Variants in TTC6 observed in about 807,000 individuals in gnomAD.
TTC6 encodes the protein tetratricopeptide repeat domain 6.
A neutral mutation model predicts 210.4 loss-of-function variants in TTC6; 172 were observed. The observed-to-expected ratio is 0.82, with a 90% CI of 0.72 to 0.93. The LOEUF (loss-of-function observed/expected upper bound fraction) is 0.93. Among genes scored for constraint, TTC6 ranks in the 40% least tolerant of loss-of-function variants. The pLI is 0.00. For synonymous variants in TTC6, 804 were observed against 819.6 expected (o/e 0.98, Z 0.32); for missense variants, 2,414 against 2,318.1 (o/e 1.04, Z -0.85).
At chr14:37,825,015 A>T (rs1272307740) in intron 27 of TTC6, among the ~76,000 whole-genome samples, 1 of 152,150 alleles carries the variant, frequency 6.6e-6, no homozygotes, top group Non-Finnish European at 1.5e-5. Context: ...GCAACCTGAA[A>T]AAGAATTGAA....
chr14:37,611,077 G>A (rs2095633475), intron 2 of TTC6, among the ~76,000 whole-genome samples: 1 of 152,240 alleles, frequency 6.6e-6, no homozygotes, highest in Admixed American at 6.5e-5. Flanking sequence ...TGAGGCCTGG[G>A]TTTGGGGTCC....
At chr14:37,613,342 G>C (rs1595009784) in intron 2 of TTC6, among the ~76,000 whole-genome samples, 5 of 151,864 alleles carry the variant, frequency 3.3e-5, no homozygotes, top group Admixed American at 3.3e-4. Flanking sequence ...AACTCTATTT[G>C]GTCAAAATGT....
intron 15 of TTC6, among the ~76,000 whole-genome samples, chr14:37,789,839 C>G (rs1403818780): frequency 6.6e-6 from 1 of 151,860 alleles, no homozygotes; most frequent in Non-Finnish European, 1.5e-5. Context: ...GGCTATAGTT[C>G]CCTAAATCCA....
intron 3 of TTC6, among the ~76,000 whole-genome samples, chr14:37,693,979 A>C (rs2095809504): frequency 6.7e-6 from 1 of 150,372 alleles, no homozygotes; most frequent in South Asian, 2.1e-4. Context: ...AACTACCACA[A>C]AAACAAACAA....
chr14:37,615,493 ATGGATAATTTC>A, intron 2 of TTC6, among the ~76,000 whole-genome samples: 1 of 152,010 alleles, frequency 6.6e-6, no homozygotes. Flanking sequence ...TTTTCTTATA[ATGGATAATTTC>A]TGTGCATTTA....
At chr14:37,609,633 A>G (rs1038124318) in intron 2 of TTC6, among the ~76,000 whole-genome samples, 15 of 152,160 alleles carry the variant, frequency 9.9e-5, no homozygotes, top group African/African-American at 3.6e-4. Context: ...TAAAGTATTA[A>G]TGAACACTAT....
In TTC6 at chr14:37,667,695, A is replaced by T. The variant is rs545415843; in HGVS notation, c.940-12456A>T. Among the ~76,000 whole-genome samples, 3 of 150,912 alleles carry T rather than the reference A, an allele frequency of 2.0e-5. 1 individual carries two copies. The highest frequency in any genetic ancestry group is 4.5e-5 in the Non-Finnish European group (3 of 67,240). On this transcript the variant is annotated intron_variant, in intron 1 of 30. Transcript: ENST00000553443. ...TGAAGAATGAGAATAAGGGGTGTTT[A>T]TAAGTAGATATTGTTATTTCCACTG...
chr14:37,785,204 T>G (rs941032139), intron 14 of TTC6, among the ~76,000 whole-genome samples: 2 of 152,210 alleles, frequency 1.3e-5, no homozygotes, highest in Admixed American at 1.3e-4. Context: ...CTGGATAATA[T>G]CCTGAAGAGT....
Position 37,738,675 on chromosome 14 carries a change from C to T in TTC6, c.1984-101C>T. 6.9e-6 allele frequency: 7 copies of T among 1,015,530 alleles called. No individual in the cohort carries two copies. In the South Asian group the frequency reaches 7.4e-5, roughly 11 times the overall value. 62.9% of individuals were successfully genotyped at this position (1,015,530 alleles called of 1,614,324 possible). The stretch of plus-strand genomic sequence containing the variant: ...TTTTTAAACTTTTAAATTAAGTGAC[C>T]AAACCACATTAATAGTAATTGTAAC... On this transcript the variant is annotated intron_variant, in intron 9 of 30. Coordinates refer to ENST00000553443, the Ensembl canonical transcript of TTC6.
At chr14:37,622,720 G>A (rs886897600) in exon 1 of TTC6, 1 of 1,535,050 alleles carries the variant, frequency 6.5e-7, no homozygotes, top group Non-Finnish European at 8.7e-7. Context: ...GAGGCCAGCA[G>A]CGGGCGGAGG....
At chr14:37,762,426 C>T (rs1272132145) in intron 14 of TTC6, among the ~76,000 whole-genome samples, 1 of 152,138 alleles carries the variant, frequency 6.6e-6, no homozygotes, top group East Asian at 1.9e-4. Flanking sequence ...GCTGTATTAA[C>T]TTAAAATCCC....
At chr14:37,783,633 A>T (rs1343258333) in intron 14 of TTC6, among the ~76,000 whole-genome samples, 1 of 151,852 alleles carries the variant, frequency 6.6e-6, no homozygotes, top group Non-Finnish European at 1.5e-5. Context: ...TATCTCCCTG[A>T]GTTCTGCTCT....
chr14:37,615,010 G>A (rs2095640420), intron 2 of TTC6, among the ~76,000 whole-genome samples: 1 of 152,094 alleles, frequency 6.6e-6, no homozygotes, highest in African/African-American at 2.4e-5. Flanking sequence ...GCCTCCCAAA[G>A]TGCTGGGATT....
intron 24 of TTC6, among the ~76,000 whole-genome samples, chr14:37,809,388 G>T (rs868471594): frequency 1.3e-5 from 2 of 151,774 alleles, no homozygotes; most frequent in African/African-American, 4.8e-5. Flanking sequence ...AAGTAGCTGG[G>T]ACTACAGGCA....
intron 10 of TTC6, among the ~76,000 whole-genome samples, chr14:37,743,198 T>A (rs1398298232): frequency 2.0e-5 from 3 of 152,200 alleles, no homozygotes; most frequent in Non-Finnish European, 4.4e-5. Context: ...TATGAAAACA[T>A]GATTTAAACT....
At chr14:37,745,913 G>A (rs940200589) in intron 10 of TTC6, among the ~76,000 whole-genome samples, 18 of 152,106 alleles carry the variant, frequency 1.2e-4, no homozygotes, top group African/African-American at 4.3e-4. Context: ...CTGAAAGCTG[G>A]GTAAAAGATT....
chr14:37,606,231 A>G (rs1020825991), intron 1 of TTC6, among the ~76,000 whole-genome samples: 1 of 152,168 alleles, frequency 6.6e-6, no homozygotes, highest in Admixed American at 6.5e-5. Context: ...ATGGCAGTAC[A>G]GGCAACTTTT....
intron 1 of TTC6, among the ~76,000 whole-genome samples, chr14:37,648,449 A>G (rs1326521656): frequency 2.6e-5 from 4 of 152,160 alleles, no homozygotes; most frequent in Admixed American, 6.5e-5. Context: ...ATGTTTCTAT[A>G]CACTGATGAT....
intron 10 of TTC6, among the ~76,000 whole-genome samples, chr14:37,739,991 G>A (rs1186528350): frequency 1.3e-5 from 2 of 151,638 alleles, no homozygotes; most frequent in East Asian, 3.9e-4. Flanking sequence ...GTGAAACCCC[G>A]TCTCTACTAA....
Sources: allele counts gnomAD v4.1 joint callset (sites outside exome capture counted in the v4.1 genomes callset), GRCh38; gene constraint gnomAD v4.1.1; transcripts MANE v1.5; gene names NCBI Gene and HGNC (gene_info 2026-07-23, HGNC 2026-07-21).